The following PHF14 variants were observed in gnomAD, a reference collection of about 807,000 sequenced individuals.
The protein encoded by PHF14 is PHD finger protein 14.
In PHF14, 55 loss-of-function variants were observed where a neutral mutation model predicts 117.9. That is an observed-to-expected ratio of 0.47 (90% CI 0.38 to 0.58). The LOEUF (loss-of-function observed/expected upper bound fraction) is 0.58. Ranked by LOEUF, PHF14 falls within the 20% of genes least tolerant of loss-of-function variation. The pLI is 0.00. For synonymous variants in PHF14, 409 were observed against 368.6 expected (o/e 1.11, Z -1.26); for missense variants, 978 against 1,122.2 (o/e 0.87, Z 1.84).
chr7:11,093,623 T>C (rs1186617294), intron 16 of PHF14, among the ~76,000 whole-genome samples: 1 of 152,210 alleles, frequency 6.6e-6, no homozygotes, highest in East Asian at 1.9e-4. Context: ...TTCCTCTTAC[T>C]TAGCAGTAGA....
intron 16 of PHF14, among the ~76,000 whole-genome samples, chr7:11,084,665 A>G (rs549658723): frequency 1.3e-5 from 2 of 152,230 alleles, no homozygotes; most frequent in East Asian, 3.9e-4. Context: ...TCCCAAAGTA[A>G]GTGTGCTAGG....
At chr7:11,065,901 T>A (rs1244894561) in intron 16 of PHF14, among the ~76,000 whole-genome samples, 1 of 152,176 alleles carries the variant, frequency 6.6e-6, no homozygotes, top group African/African-American at 2.4e-5. Flanking sequence ...CCCTCTTAAA[T>A]AGCATCTTTA....
intron 17 of PHF14, among the ~76,000 whole-genome samples, chr7:11,156,254 C>T (rs989765455): frequency 2.0e-5 from 3 of 152,138 alleles, no homozygotes; most frequent in Non-Finnish European, 4.4e-5. Flanking sequence ...AGTGCCACTA[C>T]TGAGGAATTT....
intron 17 of PHF14, among the ~76,000 whole-genome samples, chr7:11,129,504 A>G (rs1788027669): frequency 6.6e-6 from 1 of 151,576 alleles, no homozygotes; most frequent in African/African-American, 2.4e-5. Context: ...GTCTAAGGGT[A>G]TAAAACTAAT....
chr7:11,153,129 A>G (rs1310382424), intron 17 of PHF14, among the ~76,000 whole-genome samples: 1 of 152,216 alleles, frequency 6.6e-6, no homozygotes, highest in Non-Finnish European at 1.5e-5. Flanking sequence ...TATAAAGAAT[A>G]GGTATACAAT....
At chr7:11,148,828 C>T (rs983620591) in intron 17 of PHF14, among the ~76,000 whole-genome samples, 8 of 152,184 alleles carry the variant, frequency 5.3e-5, no homozygotes, top group African/African-American at 1.9e-4. Flanking sequence ...CTTTCACCAA[C>T]TGTGCATCTG....
At chr7:11,132,082 A>AT (rs1328095179) in intron 17 of PHF14, among the ~76,000 whole-genome samples, 2 of 151,588 alleles carry the variant, frequency 1.3e-5, no homozygotes, top group African/African-American at 2.4e-5. Context: ...CATAATTACC[A>AT]TTTTTTTGGG....
intron 4 of PHF14, among the ~76,000 whole-genome samples, chr7:10,996,860 C>G (rs1269237924): frequency 6.6e-6 from 1 of 152,198 alleles, no homozygotes; most frequent in Non-Finnish European, 1.5e-5. Flanking sequence ...GGCACACTCT[C>G]AGGAACATAC....
At chr7:11,038,897 C>G in intron 11 of PHF14, 42 bp downstream of exon 11, 5 of 902,868 alleles carry the variant, frequency 5.5e-6, no homozygotes, top group Non-Finnish European at 6.8e-6. Context: ...GTTCTTGCTC[C>G]CTATATGATT....
intron 17 of PHF14, among the ~76,000 whole-genome samples, chr7:11,144,877 A>G (rs953624473): frequency 2.6e-5 from 4 of 151,924 alleles, no homozygotes; most frequent in African/African-American, 9.7e-5. Context: ...TACACTTGTA[A>G]GAAGTAGTAA....
At chr7:11,144,155 A>C (rs1400775754) in intron 17 of PHF14, among the ~76,000 whole-genome samples, 1 of 152,126 alleles carries the variant, frequency 6.6e-6, no homozygotes, top group Admixed American at 6.6e-5. Context: ...TGCAAATCAA[A>C]CCATGATGAG....
intron 17 of PHF14, among the ~76,000 whole-genome samples, chr7:11,116,035 C>A (rs868551218): frequency 6.6e-6 from 1 of 151,938 alleles, no homozygotes; most frequent in African/African-American, 2.4e-5. Flanking sequence ...TGGGGAAGAA[C>A]CTTGAGACTA....
At chr7:11,132,149 A>G (rs1246242849) in intron 17 of PHF14, among the ~76,000 whole-genome samples, 1 of 151,826 alleles carries the variant, frequency 6.6e-6, no homozygotes, top group Non-Finnish European at 1.5e-5. Context: ...AATTCCAAAT[A>G]CAGTACAATT....
intron 4 of PHF14, among the ~76,000 whole-genome samples, chr7:11,008,712 G>A (rs756634394): frequency 2.0e-5 from 3 of 152,110 alleles, no homozygotes; most frequent in Non-Finnish European, 2.9e-5. Context: ...TGTAGGTACT[G>A]TCTTTCTCGT....
At chr7:11,017,799 C>A (rs6973228) in intron 5 of PHF14, among the ~76,000 whole-genome samples, 1 of 151,884 alleles carries the variant, frequency 6.6e-6, no homozygotes, top group Non-Finnish European at 1.5e-5. Context: ...GTTTTTGCTT[C>A]GGTTGCTTGT....
At chr7:11,111,119 T>C in intron 16 of PHF14, 1 of 397,186 alleles carries the variant, frequency 2.5e-6, no homozygotes, top group East Asian at 4.3e-5. Flanking sequence ...TTCTAAATAT[T>C]TGTTTTGTTT....
intron 13 of PHF14, 136 bp from the exon 14 acceptor site, chr7:11,051,476 G>T: frequency 3.1e-6 from 2 of 643,710 alleles, no homozygotes; most frequent in African/African-American, 1.8e-5. Flanking sequence ...TTTTCATTAT[G>T]TACCCTATAA....
intron 13 of PHF14, 118 bp downstream of exon 13, chr7:11,042,932 G>A (rs1784544180): frequency 4.4e-6 from 3 of 686,122 alleles, no homozygotes; most frequent in Non-Finnish European, 7.1e-6. Context: ...AAAATTGACT[G>A]TCATCAATAT....
intron 4 of PHF14, chr7:11,007,026 A>C (rs1783132813): frequency 3.2e-6 from 1 of 310,058 alleles, no homozygotes; most frequent in South Asian, 3.0e-5. Flanking sequence ...AAATACAAAA[A>C]ATTTGCCAGG....
Sources: allele counts gnomAD v4.1 joint callset (sites outside exome capture counted in the v4.1 genomes callset), GRCh38; gene constraint gnomAD v4.1.1; transcripts MANE v1.5; gene names NCBI Gene and HGNC (gene_info 2026-07-23, HGNC 2026-07-21).